Variants in MAPT observed in about 807,000 individuals in gnomAD.
The protein encoded by MAPT is microtubule associated protein tau.
MAPT carries 34 observed loss-of-function variants against 67.9 expected under a neutral mutation model. That is an observed-to-expected ratio of 0.50 (90% CI 0.38 to 0.67). MAPT has a LOEUF of 0.67. Ranked by LOEUF, MAPT falls within the 30% of genes least tolerant of loss-of-function variation. The probability of loss-of-function intolerance (pLI) is 0.00; values close to 1 mark genes in which losing one functional copy is unlikely to be tolerated. For synonymous variants in MAPT, 456 were observed against 464.5 expected (o/e 0.98, Z 0.23); for missense variants, 881 against 1,115.2 (o/e 0.79, Z 2.99).
At chr17:45,992,833 G>A (rs2074171856) in intron 8 of MAPT, among the ~76,000 whole-genome samples, 1 of 150,602 alleles carries the variant, frequency 6.6e-6, no homozygotes, top group Non-Finnish European at 1.5e-5. Flanking sequence ...AGAGGTTGCA[G>A]TGAGCTGAGA....
intron 11 of MAPT, among the ~76,000 whole-genome samples, chr17:46,016,390 CAA>C (rs1263862033): frequency 2.1e-4 from 21 of 101,006 alleles, no homozygotes; most frequent in Admixed American, 3.3e-4. Flanking sequence ...GACTCCGTCT[CAA>C]AAAAAAAAAA....
At chr17:46,017,350 T>C (rs2076247178) in intron 11 of MAPT, among the ~76,000 whole-genome samples, 1 of 151,564 alleles carries the variant, frequency 6.6e-6, no homozygotes, top group Non-Finnish European at 1.5e-5. Flanking sequence ...CTCGGCTCAC[T>C]GCAACCTCCG....
intron 11 of MAPT, among the ~76,000 whole-genome samples, chr17:46,014,715 A>G (rs2076043830): frequency 6.6e-6 from 1 of 152,166 alleles, no homozygotes; most frequent in Non-Finnish European, 1.5e-5. Flanking sequence ...TCTACTAAAA[A>G]TACAAAAAAT....
chr17:45,901,150 C>T (rs1053347216), intron 1 of MAPT, among the ~76,000 whole-genome samples: 25 of 152,234 alleles, frequency 1.6e-4, no homozygotes, highest in African/African-American at 6.0e-4. Context: ...ACACACAGAA[C>T]TCTTGCCACA....
In MAPT at chr17:45,995,051, A is replaced by G. The variant is rs1260695213; in HGVS notation, c.1733-1348A>G. ...CATCAGAATAAGACTCCGTCTCAAA[A>G]AAAAAACCACAAAAAAACAAAACAA... On this transcript the variant is annotated intron_variant, in intron 8 of 12. Transcript: ENST00000262410. This position sits in a 1 kb window ranked among gnomAD's most constrained non-coding sequence, Gnocchi z 4.3. Among the ~76,000 whole-genome samples, 1 of 152,086 alleles carries G rather than the reference A, an allele frequency of 6.6e-6. No individual in the cohort carries two copies. The highest frequency in any genetic ancestry group is 2.4e-5 in the African/African-American group (1 of 41,416).
At chr17:45,950,038 A>C (rs556295106) in intron 1 of MAPT, among the ~76,000 whole-genome samples, 4 of 152,030 alleles carry the variant, frequency 2.6e-5, no homozygotes, top group African/African-American at 9.6e-5. Flanking sequence ...CAGAGGGGCA[A>C]AGCTGTCGGG....
At chr17:45,998,741 G>C (rs930401181) in intron 9 of MAPT, among the ~76,000 whole-genome samples, 1 of 152,016 alleles carries the variant, frequency 6.6e-6, no homozygotes, top group Non-Finnish European at 1.5e-5. Context: ...ACTGTCCTGC[G>C]CTTCCACTGG....
At chr17:45,908,820 C>T (rs1168010032) in intron 1 of MAPT, among the ~76,000 whole-genome samples, 8 of 152,176 alleles carry the variant, frequency 5.3e-5, no homozygotes, top group Non-Finnish European at 1.0e-4. Context: ...TAAGAAAATC[C>T]ACCAGCTACA....
Position 45,987,106 on chromosome 17 carries a change from G to A in MAPT, c.1407+11G>A, listed in dbSNP as rs779054969. On this transcript the variant is annotated intron_variant, in intron 6 of 12. Coordinates refer to ENST00000262410, the MANE Select transcript of MAPT (RefSeq NM_001377265.1). The stretch of plus-strand genomic sequence containing the variant: ...GACAAAAAAGCCAAGGTAAGCTGAC[G>A]ATGCCACGGAGCTCTGCAGCTGGTC... 16 of 1,613,702 alleles carry A rather than the reference G, an allele frequency of 9.9e-6. No individual in the cohort carries two copies. The highest frequency in any genetic ancestry group is 1.7e-5 in the Admixed American group (1 of 59,996).
At chr17:45,962,962 C>T (rs577641073) in intron 2 of MAPT, among the ~76,000 whole-genome samples, 1 of 152,152 alleles carries the variant, frequency 6.6e-6, no homozygotes, top group East Asian at 1.9e-4. Flanking sequence ...AGAAATTTAC[C>T]TTGAGTTACC....
At chr17:45,960,354 C>T (rs2070248754) in intron 1 of MAPT, among the ~76,000 whole-genome samples, 1 of 152,262 alleles carries the variant, frequency 6.6e-6, no homozygotes. Context: ...GAGGATTGGG[C>T]TCACTCCCTA....
At chr17:45,910,175 C>T (rs2064661544) in intron 1 of MAPT, among the ~76,000 whole-genome samples, 1 of 152,166 alleles carries the variant, frequency 6.6e-6, no homozygotes, top group African/African-American at 2.4e-5. Flanking sequence ...TTGGGTAGCC[C>T]ACACGATGTG....
At chr17:45,998,614 G>A (rs1393449538) in intron 9 of MAPT, among the ~76,000 whole-genome samples, 1 of 152,178 alleles carries the variant, frequency 6.6e-6, no homozygotes, top group Non-Finnish European at 1.5e-5. Flanking sequence ...GGCATGTGGA[G>A]CTTGTAGTGG....
rs765582229 is a variant in MAPT, at chr17:45,996,393, T to A, written c.1733-6T>A. 6.2e-7 allele frequency: 1 copy of A among 1,610,962 alleles called. No homozygotes were observed. The highest frequency in any genetic ancestry group is 8.5e-7 in the Non-Finnish European group (1 of 1,179,936). ...TCCTGGCTTCACTCCCTTCCTTCCTTCCCAGGTGAACCTCCAAAATCAGGG... is the reference window on the plus strand; with the variant it reads ...TCCTGGCTTCACTCCCTTCCTTCCTACCCAGGTGAACCTCCAAAATCAGGG... On this transcript the variant is annotated splice_polypyrimidine_tract_variant and splice_region_variant and intron_variant, in intron 8 of 12. Transcript: ENST00000262410. This position sits in a 1 kb window ranked among gnomAD's most constrained non-coding sequence, Gnocchi z 4.5.
intron 1 of MAPT, among the ~76,000 whole-genome samples, chr17:45,941,700 T>TTCCTTCCTTCCC (rs2067964029): frequency 1.2e-5 from 1 of 82,132 alleles, no homozygotes; most frequent in African/African-American, 6.8e-5. Context: ...CCTTCCTTCC[T>TTCCTTCCTTCCC]GCCTGCCTTC....
At chr17:46,014,882 C>CAAAAAAAAAAAAAAAAAA (rs1254513618) in intron 11 of MAPT, among the ~76,000 whole-genome samples, 1 of 127,500 alleles carries the variant, frequency 7.8e-6, no homozygotes. Flanking sequence ...GACTCCGTCT[C>CAAAAAAAAAAAAAAAAAA]AAAAAAAAAA....
Position 45,983,757 on chromosome 17 carries a change from CGGA to C in MAPT, c.1183_1185del (p.Glu395del), listed in dbSNP as rs760190465. ...AACGTGCAGAAGGAGCAGGCGCACT[CGGA>C]GGAGCATTTGGGAAGGGCTGCATTT... On this transcript the variant is annotated inframe_deletion, in exon 5 of 13. Transcript: ENST00000262410. The C allele has an allele frequency of 1.4e-5, 22 of 1,614,056 alleles. No individual in the cohort carries two copies. In the Middle Eastern group the frequency reaches 6.6e-4, roughly 48 times the overall value.
intron 7 of MAPT, among the ~76,000 whole-genome samples, 178 bp downstream of exon 7, chr17:45,990,253 T>A (rs563636325): frequency 2.6e-5 from 4 of 152,316 alleles, no homozygotes; most frequent in Non-Finnish European, 5.9e-5. Context: ...GGGCCATCCC[T>A]CTCAGCACCC....
At chr17:45,895,211 C>T (rs1229029537) in intron 1 of MAPT, 1 of 152,244 alleles carries the variant, frequency 6.6e-6, no homozygotes, top group Non-Finnish European at 1.5e-5. Flanking sequence ...CCTGCACGCC[C>T]CTCCCTGCAC....
Sources: allele counts gnomAD v4.1 joint callset (sites outside exome capture counted in the v4.1 genomes callset), GRCh38; gene constraint gnomAD v4.1.1; non-coding constraint Gnocchi (gnomAD v3.1); transcripts MANE v1.5; gene names NCBI Gene and HGNC (gene_info 2026-07-23, HGNC 2026-07-21).